Variants in REEP5 observed in about 807,000 individuals in gnomAD.
REEP5 encodes the protein receptor accessory protein 5.
REEP5 carries 24 observed loss-of-function variants against 22.4 expected under a neutral mutation model. The ratio of observed to expected loss-of-function variants is 1.07; its 90% confidence interval spans 0.78 to 1.51. REEP5 has a LOEUF of 1.51. REEP5 is among the 40% of genes most tolerant of loss of function. The pLI is 0.00. For synonymous variants in REEP5, 103 were observed against 88.6 expected, an observed-to-expected ratio of 1.16 and a Z score of -0.92; for missense variants, 252 against 233.0, an observed-to-expected ratio of 1.08 and a Z score of -0.53.
At position 112,879,259 on chromosome 5, in the gene REEP5, G is replaced by A. The variant is rs548993610; in HGVS notation, c.521-424C>T. On this transcript the variant is annotated intron_variant, in intron 4 of 4. Coordinates refer to ENST00000379638, the MANE Select transcript of REEP5 (RefSeq NM_005669.5). ...AACTAGGTCATCATATTTATCCCAT[G>A]GCGACAAATCAGAGAAGTCCTCATT... Among the ~76,000 whole-genome samples, 4 of 144,908 alleles carry A rather than the reference G, an allele frequency of 2.8e-5. No individual in the cohort carries two copies. The Admixed American group carries it at 2.9e-4, about 10-fold the overall frequency.
chr5:112,888,221 A>T (rs1397140279), intron 3 of REEP5, among the ~76,000 whole-genome samples: 1 of 152,196 alleles, frequency 6.6e-6, no homozygotes, highest in Non-Finnish European at 1.5e-5. Flanking sequence ...ATAATCAACA[A>T]GCTATGATGG....
rs1411738985 is a variant in REEP5 at position 112,902,455 on chromosome 5, C to T, written c.276G>A (p.Val92=). ...DDTQWLTYWV[V]YGVFSIAEFF... is the part of the protein sequence containing the mutation. ...ATTCAGCAATGCTGAACACACCATACACTACCCAGTAGGTCAGCCACTGGG... is the reference window on the plus strand; with the variant it reads ...ATTCAGCAATGCTGAACACACCATATACTACCCAGTAGGTCAGCCACTGGG... The change falls in exon 3 of 5, where the codon GTG becomes GTA. Residue 92 remains valine, a synonymous_variant. Coordinates refer to ENST00000379638, the MANE Select transcript of REEP5 (RefSeq NM_005669.5). The T allele has an allele frequency of 6.2e-7, 1 of 1,613,356 alleles. No homozygotes were observed. Among genetic ancestry groups the T allele is most frequent in the Admixed American group, 1.7e-5 (1 of 59,848 alleles).
At chr5:112,887,791 ATTTT>A (rs1007441155) in intron 3 of REEP5, among the ~76,000 whole-genome samples, 1 of 151,370 alleles carries the variant, frequency 6.6e-6, no homozygotes, top group Non-Finnish European at 1.5e-5. Context: ...TGCCATTGAG[ATTTT>A]TTTTTAATTG....
In REEP5 at chr5:112,877,077, A is replaced by AAAG. The variant is rs1431976265; in HGVS notation, c.*1706_*1708dup. 1 of 152,148 alleles carries AAAG rather than the reference A, an allele frequency of 6.6e-6. No homozygotes were observed. Among genetic ancestry groups the AAAG allele is most frequent in the Non-Finnish European group, 1.5e-5 (1 of 68,024 alleles). The allele number at this position is 152,148 out of a possible 1,614,324, so 9.4% of individuals were successfully genotyped here. Reference sequence around the variant, plus strand: ...AGATACTTAAAATTTTTTTAATCTAAAAGTTGATTTTCTCCCAAGAACAAT... The same window carrying AAAG: ...AGATACTTAAAATTTTTTTAATCTAAAAGAAGTTGATTTTCTCCCAAGAACAAT... On this transcript the variant is annotated 3_prime_UTR_variant, in exon 5 of 5. Transcript: ENST00000379638.
intron 4 of REEP5, among the ~76,000 whole-genome samples, chr5:112,886,806 A>G (rs1400053597): frequency 6.6e-6 from 1 of 152,242 alleles, no homozygotes; most frequent in Non-Finnish European, 1.5e-5. Context: ...TGAAGGCTAC[A>G]TTAAATGTGG....
intron 3 of REEP5, chr5:112,892,685 G>C (rs1561651313): frequency 1.9e-6 from 3 of 1,614,052 alleles, no homozygotes; most frequent in Admixed American, 3.3e-5. Flanking sequence ...GAAGCTAATA[G>C]AGACATCTAC....
chr5:112,919,821 T>A (rs1183826455), intron 2 of REEP5, among the ~76,000 whole-genome samples: 1 of 152,172 alleles, frequency 6.6e-6, no homozygotes, highest in Non-Finnish European at 1.5e-5. Flanking sequence ...GGTATTTTGT[T>A]ATAGCAGCCC....
chr5:112,920,203 C>A (rs1220889440), intron 2 of REEP5, among the ~76,000 whole-genome samples: 1 of 152,310 alleles, frequency 6.6e-6, no homozygotes, highest in East Asian at 1.9e-4. Context: ...TCAGAACTAA[C>A]TTCTAAAACA....
At chr5:112,894,664 C>T (rs1768623987) in intron 3 of REEP5, 1 of 152,160 alleles carries the variant, frequency 6.6e-6, no homozygotes, top group African/African-American at 2.4e-5. Flanking sequence ...ATTTGGAGAG[C>T]AGCAAGTGTT....
At chr5:112,916,450 G>A (rs142874120) in intron 2 of REEP5, among the ~76,000 whole-genome samples, 1 of 152,322 alleles carries the variant, frequency 6.6e-6, no homozygotes, top group East Asian at 1.9e-4. Context: ...AGCCTCTGCT[G>A]TCATAAGTCA....
intron 4 of REEP5, among the ~76,000 whole-genome samples, chr5:112,882,959 T>A (rs1389878059): frequency 6.6e-6 from 1 of 152,196 alleles, no homozygotes; most frequent in African/African-American, 2.4e-5. Flanking sequence ...ATTTCCCTGC[T>A]GTTACCATAA....
intron 2 of REEP5, among the ~76,000 whole-genome samples, chr5:112,912,939 T>C (rs1769138298): frequency 6.6e-6 from 1 of 152,358 alleles, no homozygotes; most frequent in South Asian, 2.1e-4. Flanking sequence ...GAAAGTTACA[T>C]ATCTTTTTCA....
chr5:112,891,281 C>T (rs1003690434), intron 3 of REEP5, among the ~76,000 whole-genome samples: 1 of 152,058 alleles, frequency 6.6e-6, no homozygotes, highest in African/African-American at 2.4e-5. Flanking sequence ...CCATGTTGGC[C>T]AGGCTGGTCT....
At chr5:112,907,074 A>T (rs13360625) in intron 2 of REEP5, among the ~76,000 whole-genome samples, 2,778 of 152,288 alleles carry the variant, frequency 0.018, 86 homozygotes, top group African/African-American at 0.063. Flanking sequence ...ACAACACTGA[A>T]ATAAAACTGT....
chr5:112,889,697 T>C lies in REEP5; in HGVS notation c.352-2514A>G, dbSNP rs189461405. Among the ~76,000 whole-genome samples, 7 of 150,514 alleles carry C rather than the reference T, an allele frequency of 4.7e-5. No individual in the cohort carries two copies. The East Asian group carries it at 6.1e-4, about 13-fold the overall frequency. On this transcript the variant is annotated intron_variant, in intron 3 of 4. Coordinates refer to ENST00000379638, the MANE Select transcript of REEP5 (RefSeq NM_005669.5). The stretch of plus-strand genomic sequence containing the variant: ...TAGATTTTAACATTTCCATCAGAAA[T>C]TGATATACTAGCCAGGCTTACACCT...
At chr5:112,904,993 C>A (rs1316299636) in intron 2 of REEP5, among the ~76,000 whole-genome samples, 5 of 151,932 alleles carry the variant, frequency 3.3e-5, no homozygotes, top group Admixed American at 6.6e-5. Flanking sequence ...ATGAAAGAAG[C>A]CAGGAAAAGG....
intron 2 of REEP5, among the ~76,000 whole-genome samples, chr5:112,913,291 CAAGA>C (rs780446763): frequency 1.6e-4 from 21 of 132,152 alleles, no homozygotes; most frequent in Non-Finnish European, 3.2e-4. Context: ...GAAACTCCAT[CAAGA>C]AAGAAAGACA....
intron 2 of REEP5, 52 bp downstream of exon 2, chr5:112,921,111 G>T: frequency 1.9e-6 from 3 of 1,559,018 alleles, no homozygotes; most frequent in Non-Finnish European, 1.8e-6. Flanking sequence ...CAGCAGCCCT[G>T]CGGGGAGGAA....
intron 3 of REEP5, among the ~76,000 whole-genome samples, chr5:112,899,964 G>T (rs780454321): frequency 5.3e-5 from 8 of 152,140 alleles, no homozygotes; most frequent in Non-Finnish European, 1.2e-4. Flanking sequence ...AAAGCATTTA[G>T]GATTTCCAAT....
Sources: allele counts gnomAD v4.1 joint callset (sites outside exome capture counted in the v4.1 genomes callset), GRCh38; gene constraint gnomAD v4.1.1; transcripts MANE v1.5; gene names NCBI Gene and HGNC (gene_info 2026-07-23, HGNC 2026-07-21).